The following CCDC150 variants were observed in gnomAD, a reference collection of about 807,000 sequenced individuals.
The protein encoded by CCDC150 is coiled-coil domain-containing protein 150.
In CCDC150, 151 loss-of-function variants were observed where a neutral mutation model predicts 156.5. The ratio of observed to expected loss-of-function variants is 0.97; its 90% CI spans 0.85 to 1.10. The LOEUF is 1.10. CCDC150 is among the 50% of genes least tolerant of loss of function. The pLI is 0.00. For missense variants in CCDC150, 1,312 were observed against 1,268.1 expected, an observed-to-expected ratio of 1.03 and a Z score of -0.53; for synonymous variants, 452 against 429.4, an observed-to-expected ratio of 1.05 and a Z score of -0.65.
chr2:196,732,316 C>T, intron 27 of CCDC150, 130 bp from the exon 28 acceptor site: 4 of 1,145,020 alleles, frequency 3.5e-6, no homozygotes, highest in South Asian at 2.9e-5. Flanking sequence ...CAAAGTTCCA[C>T]CTGTCACAAA....
chr2:196,718,663 A>G, intron 18 of CCDC150, 32 bp downstream of exon 18: 1 of 1,606,438 alleles, frequency 6.2e-7, no homozygotes, highest in Non-Finnish European at 8.5e-7. Flanking sequence ...ACCGTCTGTC[A>G]CTGAGAAGAA....
In CCDC150 at chr2:196,719,522, C is replaced by T. The variant is rs765845803; in HGVS notation, c.2021C>T (p.Ala674Val). 32 of 1,609,776 alleles carry T rather than the reference C, an allele frequency of 2.0e-5. No individual in the cohort carries two copies. Among genetic ancestry groups the T allele is most frequent in the Non-Finnish European group, 2.7e-5 (32 of 1,178,370 alleles). The part of the protein sequence containing the change: ...KKVGNFQRQL[A>V]EAKEDNCKVT... ...GTGGGAAACTTTCAGCGACAATTGG[C>T]AGAAGCTAAAGAAGACAACTGCAAA... is the stretch of plus-strand genomic sequence containing the variant. Residue 674 changes from alanine (A) to valine (V), a missense_variant, in exon 19 of 28, where the codon GCA becomes GTA. Coordinates refer to ENST00000389175, the MANE Select transcript of CCDC150 (RefSeq NM_001080539.2).
intron 15 of CCDC150, among the ~76,000 whole-genome samples, chr2:196,708,682 GC>G: frequency 6.6e-6 from 1 of 152,318 alleles, no homozygotes; most frequent in Middle Eastern, 3.4e-3. Context: ...TCCTTCAGGA[GC>G]TCTTGTAAGG....
At chr2:196,673,775 A>C (rs1694343085) in intron 9 of CCDC150, among the ~76,000 whole-genome samples, 3 of 152,170 alleles carry the variant, frequency 2.0e-5, no homozygotes. Context: ...TTTTATTTTG[A>C]AAGATTAATC....
At chr2:196,685,011 G>A (rs928966137) in intron 13 of CCDC150, among the ~76,000 whole-genome samples, 2 of 151,920 alleles carry the variant, frequency 1.3e-5, no homozygotes. Context: ...TCTGTGCTTT[G>A]TAATTGCAGT....
rs1451180618 is a variant in CCDC150, at chr2:196,730,087, A to C, written c.2951A>C (p.Lys984Thr). ...QQELHLEAERKIRQELENRCQ... is the reference protein window; with the variant it reads ...QQELHLEAERTIRQELENRCQ... ...GAGCTGCACCTAGAAGCAGAGCGGAAAATAAGGCAGGAGCTAGAGAATCGG... is the reference window on the plus strand; with the variant it reads ...GAGCTGCACCTAGAAGCAGAGCGGACAATAAGGCAGGAGCTAGAGAATCGG... Residue 984 changes from lysine (K) to threonine (T), a missense_variant, in exon 25 of 28, where the codon AAA becomes ACA. Lys to Thr is a moderately conservative substitution (Grantham distance 78, BLOSUM62 -1). Coordinates refer to ENST00000389175, the MANE Select transcript of CCDC150 (RefSeq NM_001080539.2). The C allele has an allele frequency of 6.2e-7, 1 of 1,611,088 alleles. No individual in the cohort carries two copies. Among genetic ancestry groups the C allele is most frequent in the Non-Finnish European group, 8.5e-7 (1 of 1,178,976 alleles).
chr2:196,721,786 C>T (rs1241254852), intron 21 of CCDC150, 95 bp downstream of exon 21: 3 of 1,014,470 alleles, frequency 3.0e-6, no homozygotes, highest in Non-Finnish European at 4.2e-6. Context: ...ATCAGTTAAA[C>T]TCTTTTCTCC....
At chr2:196,731,934 G>A in intron 26 of CCDC150, 99 bp from the exon 27 acceptor site, 2 of 1,088,414 alleles carry the variant, frequency 1.8e-6, no homozygotes, top group East Asian at 2.6e-5. Flanking sequence ...TCAGAATTTG[G>A]GTCTTTTAAT....
chr2:196,729,292 G>A lies in CCDC150; in HGVS notation c.2656G>A (p.Glu886Lys), dbSNP rs371461186. Residue 886 changes from glutamate (E) to lysine (K), a missense_variant, in exon 23 of 28, where the codon GAA (glutamate) becomes AAA (lysine). By Grantham distance (56) the Glu-to-Lys change is moderately conservative. Transcript: ENST00000389175. ...QKLAELEKILESNKEKIKNQK... is the reference protein window; with the variant it reads ...QKLAELEKILKSNKEKIKNQK... ...ACTTGCAGAGCTAGAAAAAATACTA[G>A]AAAGTAACAAGGAGAAAATAAAGAA... 6.2e-7 allele frequency: 1 copy of A among 1,613,336 alleles called. No individual in the cohort carries two copies. The highest frequency in any genetic ancestry group is 1.3e-5 in the African/African-American group (1 of 74,716).
chr2:196,670,820 A>C (rs1694160158), intron 8 of CCDC150, among the ~76,000 whole-genome samples: 1 of 152,204 alleles, frequency 6.6e-6, no homozygotes, highest in Non-Finnish European at 1.5e-5. Flanking sequence ...ATCTCAATAT[A>C]AGAATGGATT....
chr2:196,640,136 G>T (rs1692124782), intron 1 of CCDC150, among the ~76,000 whole-genome samples: 1 of 152,128 alleles, frequency 6.6e-6, no homozygotes, highest in Non-Finnish European at 1.5e-5. Flanking sequence ...ATCCTCCCTG[G>T]CTTGCTTACC....
At chr2:196,653,800 C>T (rs1389425697) in intron 2 of CCDC150, among the ~76,000 whole-genome samples, 2 of 152,126 alleles carry the variant, frequency 1.3e-5, no homozygotes, top group Admixed American at 1.3e-4. Flanking sequence ...TTCTGTGTTG[C>T]TTATTTTGTG....
chr2:196,654,617 C>G (rs1257500612), intron 2 of CCDC150, among the ~76,000 whole-genome samples: 1 of 152,056 alleles, frequency 6.6e-6, no homozygotes, highest in African/African-American at 2.4e-5. Flanking sequence ...TTCTTACTCT[C>G]TTTTGTTGAA....
intron 15 of CCDC150, among the ~76,000 whole-genome samples, chr2:196,704,374 TAAC>T (rs756927585): frequency 6.6e-5 from 10 of 152,148 alleles, no homozygotes; most frequent in Non-Finnish European, 1.3e-4. Flanking sequence ...TTGCAAATAA[TAAC>T]AATGATGATA....
intron 13 of CCDC150, among the ~76,000 whole-genome samples, chr2:196,693,973 C>G (rs1695647591): frequency 2.0e-5 from 3 of 151,566 alleles, no homozygotes. Context: ...CTTTGCATTA[C>G]TGAGTTAAGC....
intron 13 of CCDC150, among the ~76,000 whole-genome samples, chr2:196,693,585 C>T (rs7420498): frequency 1.3e-5 from 2 of 152,124 alleles, no homozygotes; most frequent in African/African-American, 2.4e-5. Flanking sequence ...TCATATGTCT[C>T]GAGTAGAGAC....
chr2:196,716,602 T>C (rs1697518561), intron 17 of CCDC150, among the ~76,000 whole-genome samples: 1 of 152,054 alleles, frequency 6.6e-6, no homozygotes, highest in South Asian at 2.1e-4. Context: ...ACCAGAAGTG[T>C]GGGAATAGAG....
chr2:196,679,140 G>C (rs7585960), intron 13 of CCDC150, among the ~76,000 whole-genome samples: 115,481 of 152,126 alleles, frequency 0.76, 43,952 homozygotes, highest in East Asian at 0.84. Context: ...TCTTTTAACA[G>C]TATGCTTTTT....
chr2:196,719,676 G>GT lies in CCDC150; in HGVS notation c.2165+18dup, dbSNP rs763271214. 116 of 1,592,344 alleles carry GT rather than the reference G, an allele frequency of 7.3e-5. 1 individual carries two copies. The highest frequency in any genetic ancestry group is 1.6e-4 in the Admixed American group (9 of 56,842). ...GCCTCAAGAAAGAAAGGTACCTGTG[G>GT]TTTTTTTTCCCTGTCATTGGTATTG... On this transcript the variant is annotated intron_variant, in intron 19 of 27. Transcript: ENST00000389175.
Sources: allele counts gnomAD v4.1 joint callset (sites outside exome capture counted in the v4.1 genomes callset), GRCh38; gene constraint gnomAD v4.1.1; transcripts MANE v1.5; gene names NCBI Gene and HGNC (gene_info 2026-07-23, HGNC 2026-07-21).